The following CAMK2D variants were observed in gnomAD, a reference collection of about 807,000 sequenced individuals.
CAMK2D encodes calcium/calmodulin-dependent protein kinase type II subunit delta.
In CAMK2D, 37 loss-of-function variants were observed where a neutral mutation model predicts 84.0. The observed-to-expected ratio is 0.44, with a 90% CI of 0.34 to 0.58. The LOEUF (loss-of-function observed/expected upper bound fraction) is 0.58. Ranked by LOEUF, CAMK2D falls within the 20% of genes least tolerant of loss-of-function variation. The pLI, the probability that CAMK2D is intolerant of heterozygous loss-of-function variation, is 0.02. For missense variants in CAMK2D, 448 were observed against 652.5 expected, an observed-to-expected ratio of 0.69 and a Z score of 3.41; for synonymous variants, 202 against 212.5, an observed-to-expected ratio of 0.95 and a Z score of 0.43.
At chr4:113,596,456 A>G (rs1382773366) in intron 4 of CAMK2D, among the ~76,000 whole-genome samples, 1 of 152,240 alleles carries the variant, frequency 6.6e-6, no homozygotes, top group African/African-American at 2.4e-5. Context: ...GCTCAGATCA[A>G]TCAGAGGAAT....
intron 4 of CAMK2D, among the ~76,000 whole-genome samples, chr4:113,565,686 G>A (rs568194673): frequency 5.9e-4 from 86 of 146,710 alleles, no homozygotes; most frequent in African/African-American, 1.7e-3. Context: ...CAAAAAAAAC[G>A]AATAATTGAA....
At chr4:113,727,222 A>AT (rs1257600523) in intron 2 of CAMK2D, among the ~76,000 whole-genome samples, 15 of 152,308 alleles carry the variant, frequency 9.8e-5, no homozygotes, top group African/African-American at 3.4e-4. Flanking sequence ...TTTTAAAGAA[A>AT]TTGACAACTC....
intron 16 of CAMK2D, 60 bp downstream of exon 16, chr4:113,500,403 T>A (rs1315030974): frequency 4.9e-6 from 5 of 1,024,540 alleles, no homozygotes; most frequent in Middle Eastern, 5.7e-4. Flanking sequence ...AAGCACTTTT[T>A]TTTTCATATA....
chr4:113,708,230 T>C (rs1394329364), intron 2 of CAMK2D, among the ~76,000 whole-genome samples: 1 of 152,214 alleles, frequency 6.6e-6, no homozygotes, highest in African/African-American at 2.4e-5. Context: ...CCCACATTTG[T>C]GTTACTAGTC....
intron 16 of CAMK2D, among the ~76,000 whole-genome samples, chr4:113,492,741 G>A (rs1461943645): frequency 2.1e-5 from 3 of 145,640 alleles, no homozygotes; most frequent in Non-Finnish European, 1.5e-5. Context: ...TGAGAGTGGG[G>A]TGTTAAAGTC....
chr4:113,726,836 G>T (rs1453571893), intron 2 of CAMK2D, among the ~76,000 whole-genome samples: 1 of 152,092 alleles, frequency 6.6e-6, no homozygotes, highest in African/African-American at 2.4e-5. Flanking sequence ...TAGTCAAAGG[G>T]CTGCACATTT....
At chr4:113,523,702 G>A (rs1358283293) in intron 8 of CAMK2D, among the ~76,000 whole-genome samples, 1 of 152,048 alleles carries the variant, frequency 6.6e-6, no homozygotes, top group African/African-American at 2.4e-5. Flanking sequence ...TGCCTGGGAG[G>A]TGGAGGTTGC....
At chr4:113,503,180 T>C (rs1014521619) in intron 14 of CAMK2D, 3 of 726,986 alleles carry the variant, frequency 4.1e-6, no homozygotes, top group South Asian at 1.4e-5. Flanking sequence ...GGAACCTCCC[T>C]ACCCAGAAGC....
At chr4:113,615,306 C>A (rs1244240131) in intron 3 of CAMK2D, among the ~76,000 whole-genome samples, 1 of 151,868 alleles carries the variant, frequency 6.6e-6, no homozygotes, top group Non-Finnish European at 1.5e-5. Flanking sequence ...TTTATATCTA[C>A]ATACACTTTT....
intron 2 of CAMK2D, among the ~76,000 whole-genome samples, chr4:113,713,916 T>C (rs185960568): frequency 6.6e-6 from 1 of 151,924 alleles, no homozygotes; most frequent in Non-Finnish European, 1.5e-5. Context: ...TGGTTTTTTT[T>C]GTATCTTAAT....
chr4:113,661,330 A>T (rs113897870), intron 3 of CAMK2D, among the ~76,000 whole-genome samples: 2 of 152,214 alleles, frequency 1.3e-5, no homozygotes, highest in African/African-American at 4.8e-5. Context: ...TTAACATAGC[A>T]GACTCCAAAT....
intron 16 of CAMK2D, among the ~76,000 whole-genome samples, chr4:113,482,376 G>A (rs1019571649): frequency 6.6e-6 from 1 of 152,062 alleles, no homozygotes; most frequent in Non-Finnish European, 1.5e-5. Context: ...AAGAAACTGA[G>A]GAGACAAAGA....
At chr4:113,494,777 C>T (rs559424232) in intron 16 of CAMK2D, among the ~76,000 whole-genome samples, 4 of 152,310 alleles carry the variant, frequency 2.6e-5, no homozygotes, top group African/African-American at 9.6e-5. Context: ...GACTGCTGTG[C>T]TAGCAATCAG....
chr4:113,543,218 A>T (rs996088139), intron 6 of CAMK2D, among the ~76,000 whole-genome samples: 8 of 152,178 alleles, frequency 5.3e-5, no homozygotes, highest in Non-Finnish European at 1.2e-4. Flanking sequence ...GAGAAAATAT[A>T]TCTGATCTGA....
At chr4:113,714,731 G>T (rs898562444) in intron 2 of CAMK2D, among the ~76,000 whole-genome samples, 1 of 152,092 alleles carries the variant, frequency 6.6e-6, no homozygotes, top group Non-Finnish European at 1.5e-5. Context: ...CACATAGTAT[G>T]TAAGCATTTA....
intron 3 of CAMK2D, among the ~76,000 whole-genome samples, chr4:113,622,970 G>A (rs1444126193): frequency 6.6e-6 from 1 of 152,112 alleles, no homozygotes; most frequent in Non-Finnish European, 1.5e-5. Context: ...GCCAACTTGG[G>A]ATAGGAGAGT....
chr4:113,620,440 G>C (rs1374746814), intron 3 of CAMK2D, among the ~76,000 whole-genome samples: 1 of 152,024 alleles, frequency 6.6e-6, no homozygotes, highest in Non-Finnish European at 1.5e-5. Flanking sequence ...TCACAGTCTA[G>C]GCATTAACCA....
intron 16 of CAMK2D, among the ~76,000 whole-genome samples, chr4:113,484,102 C>G (rs1184309473): frequency 6.6e-6 from 1 of 152,132 alleles, no homozygotes; most frequent in African/African-American, 2.4e-5. Flanking sequence ...ACATTTTACA[C>G]AACAAGCTAA....
At chr4:113,578,474 C>A (rs2098793983) in intron 4 of CAMK2D, among the ~76,000 whole-genome samples, 1 of 152,128 alleles carries the variant, frequency 6.6e-6, no homozygotes, top group Non-Finnish European at 1.5e-5. Flanking sequence ...ATACTGGAGA[C>A]AAGTTTTTCA....
Sources: allele counts gnomAD v4.1 joint callset (sites outside exome capture counted in the v4.1 genomes callset), GRCh38; gene constraint gnomAD v4.1.1; transcripts MANE v1.5; gene names NCBI Gene and HGNC (gene_info 2026-07-23, HGNC 2026-07-21).